DNAJC21: variants seen among roughly 807,000 people sequenced by gnomAD.
DNAJC21 encodes the protein DnaJ heat shock protein family (Hsp40) member C21, also known as dnaJ homolog subfamily C member 21.
In DNAJC21, 63 loss-of-function variants were observed where a neutral mutation model predicts 72.4. The observed-to-expected ratio is 0.87, with a 90% CI of 0.71 to 1.07. The LOEUF is 1.07. Among genes scored for constraint, DNAJC21 ranks in the 50% least tolerant of loss-of-function variants. The pLI is 0.00. For synonymous variants in DNAJC21, 203 were observed against 216.7 expected, an observed-to-expected ratio of 0.94 and a Z score of 0.56; for missense variants, 634 against 644.8, an observed-to-expected ratio of 0.98 and a Z score of 0.18.
rs1026022954 is a variant in DNAJC21, at chr5:34,957,355, G to A, written c.*2641G>A. 12 of 152,172 alleles carry A rather than the reference G, an allele frequency of 7.9e-5. No individual in the cohort carries two copies. The highest frequency in any genetic ancestry group is 2.9e-4 in the African/African-American group (12 of 41,436). The allele number at this position is 152,172 out of a possible 1,614,324, so 9.4% of individuals were successfully genotyped here. On this transcript the variant is annotated 3_prime_UTR_variant, in exon 12 of 12. Coordinates refer to ENST00000648817, the MANE Select transcript of DNAJC21 (RefSeq NM_001012339.3). ...TCATTTTCTTTCTGTAATTCATTCA[G>A]TGGTGCCAAAGCTGGGGGTTCCCTA...
At chr5:34,953,880 A>G (rs1335238486) in intron 10 of DNAJC21, 46 bp from the exon 11 acceptor site, 2 of 1,484,358 alleles carry the variant, frequency 1.3e-6, no homozygotes, top group Admixed American at 1.9e-5. Flanking sequence ...TGATGGTTAA[A>G]AGGAGTATGT....
At position 34,941,160 on chromosome 5, in the gene DNAJC21, C is replaced by A; in HGVS notation, c.960C>A (p.Asp320Glu). The A allele has an allele frequency of 6.2e-7, 1 of 1,614,064 alleles. No individual in the cohort carries two copies. The highest frequency in any genetic ancestry group is 8.5e-7 in the Non-Finnish European group (1 of 1,179,992). ...LYDDLYCPAC[D>E]KSFKTEKAMK... ...ATGACCTTTACTGCCCAGCATGTGA[C>A]AAATCGTTCAAGACAGAAAAGGCGT... Residue 320 changes from aspartate to glutamate, a missense_variant, in exon 7 of 12, where the codon GAC (aspartate) becomes GAA (glutamate). Asp to Glu is a conservative substitution (Grantham distance 45). Transcript: ENST00000648817.
At position 34,935,777 on chromosome 5, in the gene DNAJC21, GATTTGCT is replaced by G; in HGVS notation, c.261_267del (p.Leu88AlafsTer28). 1.9e-6 allele frequency: 3 copies of G among 1,614,012 alleles called. No individual in the cohort carries two copies. The highest frequency in any genetic ancestry group is 2.5e-6 in the Non-Finnish European group (3 of 1,179,964). Reference sequence around the variant, plus strand: ...TGGCGAATATCAAGATGACAGCTTAGATTTGCTACGCTATTTCACCGTTACCTGTTAT... The same window carrying G: ...TGGCGAATATCAAGATGACAGCTTAGACGCTATTTCACCGTTACCTGTTAT... On this transcript the variant is annotated frameshift_variant, in exon 3 of 12. Transcript: ENST00000648817. LOFTEE classifies it high-confidence loss of function.
chr5:34,942,138 G>A (rs144336556), intron 7 of DNAJC21, among the ~76,000 whole-genome samples: 2 of 152,038 alleles, frequency 1.3e-5, no homozygotes, highest in South Asian at 2.1e-4. Flanking sequence ...AGTCTAGACC[G>A]TGTCTAATCA....
chr5:34,941,304 C>A, intron 7 of DNAJC21, 121 bp downstream of exon 7: 1 of 854,198 alleles, frequency 1.2e-6, no homozygotes, highest in South Asian at 1.7e-5. Context: ...CTCAGATGAT[C>A]CTCCCATGTC....
At chr5:34,932,689 C>G (rs1248499553) in intron 1 of DNAJC21, among the ~76,000 whole-genome samples, 1 of 152,192 alleles carries the variant, frequency 6.6e-6, no homozygotes, top group Non-Finnish European at 1.5e-5. Flanking sequence ...CACCAGCTCA[C>G]CAACCACCAA....
intron 2 of DNAJC21, among the ~76,000 whole-genome samples, chr5:34,934,410 T>C (rs1764702430): frequency 1.3e-5 from 2 of 151,060 alleles, no homozygotes; most frequent in Non-Finnish European, 3.0e-5. Flanking sequence ...TTTTTTTTTT[T>C]AGTAGAGACG....
In DNAJC21 at chr5:34,931,530, A is replaced by G. The variant is rs538106722; in HGVS notation, c.97+1614A>G. Among the ~76,000 whole-genome samples, 14 of 152,366 alleles carry G rather than the reference A, an allele frequency of 9.2e-5. No homozygotes were observed. In the South Asian group the frequency reaches 2.7e-3, roughly 29 times the overall value. ...ACCAAAAGCGTATGTAATTTTCTGAAGAGTGATTTTAAATCAGATTGTATT... is the reference window on the plus strand; with the variant it reads ...ACCAAAAGCGTATGTAATTTTCTGAGGAGTGATTTTAAATCAGATTGTATT... On this transcript the variant is annotated intron_variant, in intron 1 of 11. Coordinates refer to ENST00000648817, the MANE Select transcript of DNAJC21 (RefSeq NM_001012339.3).
intron 1 of DNAJC21, 33 bp downstream of exon 1, chr5:34,929,949 T>G: frequency 6.6e-7 from 1 of 1,521,720 alleles, no homozygotes; most frequent in Non-Finnish European, 8.9e-7. Context: ...CCGCGGCCAC[T>G]CGGAGAAGCC....
intron 1 of DNAJC21, among the ~76,000 whole-genome samples, chr5:34,930,886 A>G (rs1227644903): frequency 2.0e-5 from 3 of 152,242 alleles, no homozygotes; most frequent in Non-Finnish European, 4.4e-5. Context: ...CGCAACATAC[A>G]TAATTGGTGG....
chr5:34,952,105 G>A (rs1408266906), intron 10 of DNAJC21: 19 of 983,812 alleles, frequency 1.9e-5, no homozygotes, highest in Non-Finnish European at 2.2e-5. Flanking sequence ...CACCTACTGA[G>A]AAGTGTTTTT....
intron 10 of DNAJC21, chr5:34,951,321 C>T (rs966836107): frequency 1.0e-6 from 1 of 985,252 alleles, no homozygotes; most frequent in Admixed American, 6.1e-5. Flanking sequence ...AACTGAATTT[C>T]AGGTTAATTG....
intron 7 of DNAJC21, 146 bp from the exon 8 acceptor site, chr5:34,944,718 TAAA>T: frequency 8.7e-7 from 1 of 1,147,786 alleles, no homozygotes; most frequent in Non-Finnish European, 1.2e-6. Flanking sequence ...CATGAACAAA[TAAA>T]AAAAAAGAAA....
chr5:34,946,036 A>AT, intron 9 of DNAJC21, among the ~76,000 whole-genome samples: 1 of 152,254 alleles, frequency 6.6e-6, no homozygotes, highest in Admixed American at 6.5e-5. Flanking sequence ...ACAAGTATGC[A>AT]TGTAGAATTC....
chr5:34,941,227 T>A, intron 7 of DNAJC21, 44 bp downstream of exon 7: 1 of 1,544,828 alleles, frequency 6.5e-7, no homozygotes, highest in Non-Finnish European at 8.9e-7. Context: ...AGACAGGGTC[T>A]CACTCTGTCA....
chr5:34,951,838 A>G (rs1046004515), intron 10 of DNAJC21: 1 of 985,336 alleles, frequency 1.0e-6, no homozygotes, highest in African/African-American at 1.7e-5. Context: ...TGTTACTTCT[A>G]CATGAGAATT....
At chr5:34,950,541 C>T in intron 10 of DNAJC21, 199 bp downstream of exon 10, 1 of 1,227,668 alleles carries the variant, frequency 8.1e-7, no homozygotes, top group African/African-American at 1.5e-5. Context: ...AGGAATGTGC[C>T]CACACACATC....
chr5:34,953,580 C>T (rs1765445299), intron 10 of DNAJC21: 1 of 159,852 alleles, frequency 6.3e-6, no homozygotes, highest in African/African-American at 2.4e-5. Flanking sequence ...TATGAAAACA[C>T]TGTATAAAAC....
chr5:34,952,328 T>C lies in DNAJC21; in HGVS notation c.1359-1598T>C, dbSNP rs1245746611. 4 of 850,666 alleles carry C rather than the reference T, an allele frequency of 4.7e-6. No homozygotes were observed. In the African/African-American group the frequency reaches 7.3e-5, roughly 16 times the overall value. 52.7% of individuals were successfully genotyped at this position (850,666 alleles called of 1,614,324 possible). ...TTATTTGTTGCCTTTTATGCCATTG[T>C]GTCCTTTTCTTGATGTTTTCAAAGC... On this transcript the variant is annotated intron_variant, in intron 10 of 11. Coordinates refer to ENST00000648817, the MANE Select transcript of DNAJC21 (RefSeq NM_001012339.3).
Sources: allele counts gnomAD v4.1 joint callset (sites outside exome capture counted in the v4.1 genomes callset), GRCh38; gene constraint gnomAD v4.1.1; transcripts MANE v1.5; gene names NCBI Gene and HGNC (gene_info 2026-07-23, HGNC 2026-07-21).